The following DTHD1 variants were observed in gnomAD, a reference collection of about 807,000 sequenced individuals.
The protein encoded by DTHD1 is death domain-containing protein 1.
A neutral mutation model predicts 74.8 loss-of-function variants in DTHD1; 59 were observed. That is an observed-to-expected ratio of 0.79 (90% CI 0.64 to 0.98). The LOEUF (loss-of-function observed/expected upper bound fraction) is 0.98. Among genes scored for constraint, DTHD1 ranks in the 50% least tolerant of loss-of-function variants. The pLI, the probability that DTHD1 is intolerant of heterozygous loss-of-function variation, is 0.00. For synonymous variants in DTHD1, 365 were observed against 371.1 expected, an observed-to-expected ratio of 0.98 and a Z score of 0.19; for missense variants, 1,051 against 1,065.4, an observed-to-expected ratio of 0.99 and a Z score of 0.19.
rs2109591596 is a variant in DTHD1 at position 36,344,786 on chromosome 4, G to A, written c.*962G>A. On this transcript the variant is annotated 3_prime_UTR_variant, in exon 10 of 10. Transcript: ENST00000639862. ...TTGGCTGAGAGAAGGGGCTTGTTCAGATAGTTGGGAGACTTAGAATTTTAT... is the reference window on the plus strand; with the variant it reads ...TTGGCTGAGAGAAGGGGCTTGTTCAAATAGTTGGGAGACTTAGAATTTTAT... 6.6e-6 allele frequency: 1 copy of A among 152,254 alleles called. No homozygotes were observed. The highest frequency in any genetic ancestry group is 1.5e-5 in the Non-Finnish European group (1 of 68,028). 9.4% of individuals were successfully genotyped at this position (152,254 alleles called of 1,614,324 possible).
In DTHD1 at chr4:36,343,400, C is replaced by A. The variant is rs1759428115; in HGVS notation, c.2399-102C>A. The A allele has an allele frequency of 4.3e-6, 5 of 1,175,874 alleles. No individual in the cohort carries two copies. In the Admixed American group the frequency reaches 1.4e-4, roughly 33 times the overall value. 72.8% of individuals were successfully genotyped at this position (1,175,874 alleles called of 1,614,324 possible). On this transcript the variant is annotated intron_variant, in intron 9 of 9. Transcript: ENST00000639862. ...ATCTCTGCACTGCTCCAAGGCCAAACAAAAGAGCAGGGAGACTTCCTATAA... is the reference window on the plus strand; with the variant it reads ...ATCTCTGCACTGCTCCAAGGCCAAAAAAAAGAGCAGGGAGACTTCCTATAA...
rs199691134 is a variant in DTHD1 at position 36,318,618 on chromosome 4, T to TC, written c.2340+2132_2340+2133insC. On this transcript the variant is annotated intron_variant, in intron 8 of 9. Transcript: ENST00000639862. ...TGCATTTTCTTTTTCTTTTCTTTTTTTTTTTTTTTTTTTTGAGACGGAGTC... is the reference window on the plus strand; with the variant it reads ...TGCATTTTCTTTTTCTTTTCTTTTTTCTTTTTTTTTTTTTTGAGACGGAGTC... 5.9e-3 allele frequency among the ~76,000 whole-genome samples: 828 copies of TC among 141,424 alleles called. 22 individuals carry two copies. The East Asian group carries it at 0.064, about 11-fold the overall frequency. 92.8% of individuals were successfully genotyped at this position (141,424 alleles called of 152,430 possible).
chr4:36,314,747 GTTTTTTT>G lies in DTHD1; in HGVS notation c.2096-1478_2096-1472del, dbSNP rs747523259. On this transcript the variant is annotated intron_variant, in intron 7 of 9. Coordinates refer to ENST00000639862, the MANE Select transcript of DTHD1 (RefSeq NM_001170700.3). ...CTTGACATTTCTTTAAACAATCTGA[GTTTTTTT>G]TTTTTTTTTTTTTTTTGCATGCAAA... Among the ~76,000 whole-genome samples the G allele has an allele frequency of 8.8e-3, 861 of 98,032 alleles. 8 individuals carry two copies. Among genetic ancestry groups the G allele is most frequent in the African/African-American group, 0.031 (774 of 25,024 alleles). The allele number at this position is 98,032 out of a possible 152,430, so 64.3% of individuals were successfully genotyped here.
At chr4:36,315,898 TG>T (rs1280716536) in intron 7 of DTHD1, 1 of 156,698 alleles carries the variant, frequency 6.4e-6, no homozygotes, top group African/African-American at 2.4e-5. Context: ...AATAATTATT[TG>T]GATTTTTTAA....
At chr4:36,295,994 T>C (rs1450429856) in intron 5 of DTHD1, among the ~76,000 whole-genome samples, 1 of 152,140 alleles carries the variant, frequency 6.6e-6, no homozygotes, top group Non-Finnish European at 1.5e-5. Context: ...GATTGGTTAC[T>C]AGAAAATATT....
chr4:36,319,141 G>A (rs944870323), intron 8 of DTHD1, among the ~76,000 whole-genome samples: 1 of 152,038 alleles, frequency 6.6e-6, no homozygotes, highest in African/African-American at 2.4e-5. Context: ...GATATTTTTA[G>A]ATTTATTTGT....
At chr4:36,334,960 T>C (rs778622440) in intron 8 of DTHD1, among the ~76,000 whole-genome samples, 25 of 152,206 alleles carry the variant, frequency 1.6e-4, no homozygotes, top group Non-Finnish European at 3.1e-4. Context: ...ATGTAAGTAC[T>C]GATATAAAAG....
intron 8 of DTHD1, among the ~76,000 whole-genome samples, chr4:36,324,677 G>A (rs572961784): frequency 5.1e-4 from 77 of 152,032 alleles, no homozygotes; most frequent in Non-Finnish European, 9.7e-4. Context: ...AATAATAGTA[G>A]AAGCCAAAAT....
intron 5 of DTHD1, among the ~76,000 whole-genome samples, chr4:36,298,205 G>A (rs1207781496): frequency 6.6e-6 from 1 of 151,306 alleles, no homozygotes; most frequent in Non-Finnish European, 1.5e-5. Context: ...TCTTTTTTTT[G>A]TGTGTGTGCC....
At chr4:36,325,418 A>G (rs1310667298) in intron 8 of DTHD1, among the ~76,000 whole-genome samples, 1 of 152,230 alleles carries the variant, frequency 6.6e-6, no homozygotes, top group Non-Finnish European at 1.5e-5. Context: ...AATTTTAACT[A>G]GGAGAGTGAT....
chr4:36,294,660 T>G, intron 4 of DTHD1, 135 bp from the exon 5 acceptor site: 1 of 745,770 alleles, frequency 1.3e-6, no homozygotes, highest in East Asian at 3.2e-5. Context: ...AATGCATTGT[T>G]GATTACAACT....
chr4:36,295,161 A>C, intron 5 of DTHD1, 122 bp downstream of exon 5: 1 of 1,194,836 alleles, frequency 8.4e-7, no homozygotes, highest in African/African-American at 1.5e-5. Context: ...AAATATCTTT[A>C]ATCTAGAAAG....
chr4:36,315,126 A>G (rs896929527), intron 7 of DTHD1, among the ~76,000 whole-genome samples: 4 of 152,178 alleles, frequency 2.6e-5, no homozygotes, highest in Admixed American at 1.3e-4. Flanking sequence ...AAATTTTACA[A>G]ATTTTGATGT....
intron 7 of DTHD1, chr4:36,311,119 T>TTG (rs1440953625): frequency 6.6e-6 from 1 of 152,272 alleles, no homozygotes; most frequent in Non-Finnish European, 1.5e-5. Context: ...CCACTGCCTG[T>TTG]TGTGGAGACC....
chr4:36,291,123 T>C (rs1162622470), intron 3 of DTHD1, among the ~76,000 whole-genome samples: 1 of 152,196 alleles, frequency 6.6e-6, no homozygotes, highest in Non-Finnish European at 1.5e-5. Context: ...AATTTAAAAA[T>C]TTGTGTATGT....
Position 36,294,912 on chromosome 4 carries a change from C to T in DTHD1, c.1516C>T (p.Gln506Ter). Residue 506 changes from glutamine to a stop codon, truncating the protein, a stop_gained, in exon 5 of 10, where the codon CAG (glutamine) becomes TAG (stop). Coordinates refer to ENST00000639862, the MANE Select transcript of DTHD1 (RefSeq NM_001170700.3). LOFTEE classifies it high-confidence loss of function. ...TCAGCACCCATCAACTTATCCTTTT[C>T]AGAAGCCAGTCACTTTGTTTTTACC... ...HIQHPSTYPF[Q>*]KPVTLFLPCS... 1 of 1,551,908 alleles carries T rather than the reference C, an allele frequency of 6.4e-7. No individual in the cohort carries two copies. Among genetic ancestry groups the T allele is most frequent in the Non-Finnish European group, 8.7e-7 (1 of 1,146,804 alleles).
At chr4:36,296,321 C>A (rs1275313110) in intron 5 of DTHD1, among the ~76,000 whole-genome samples, 2 of 151,974 alleles carry the variant, frequency 1.3e-5, no homozygotes, top group African/African-American at 4.8e-5. Flanking sequence ...ATGCTCTTAT[C>A]TACAAAATAA....
Position 36,284,499 on chromosome 4 carries a change from A to G in DTHD1, c.795A>G (p.Ser265=). 6.5e-7 allele frequency: 1 copy of G among 1,536,838 alleles called. No individual in the cohort carries two copies. The highest frequency in any genetic ancestry group is 8.7e-7 in the Non-Finnish European group (1 of 1,146,608). The change falls in exon 2 of 10, where the codon TCA becomes TCG. Residue 265 remains serine (S), a synonymous_variant. Transcript: ENST00000639862. ...ESPREEMTTS[S]IICDISKKYI... ...CAAGAGAAGAGATGACCACATCCTC[A>G]ATAATATGTGATATCTCCAAGAAAT...
At chr4:36,294,767 C>T (rs1169482669) in intron 4 of DTHD1, 28 bp from the exon 5 acceptor site, 2 of 1,488,344 alleles carry the variant, frequency 1.3e-6, no homozygotes, top group Non-Finnish European at 8.9e-7. Flanking sequence ...TCTATTAAAA[C>T]ATAAGAAAAA....
Sources: allele counts gnomAD v4.1 joint callset (sites outside exome capture counted in the v4.1 genomes callset), GRCh38; gene constraint gnomAD v4.1.1; transcripts MANE v1.5; gene names NCBI Gene and HGNC (gene_info 2026-07-23, HGNC 2026-07-21).